CDH8: variants seen among roughly 807,000 people sequenced by gnomAD.
CDH8 encodes the protein cadherin-8.
A neutral mutation model predicts 68.1 loss-of-function variants in CDH8; 17 were observed. That is an observed-to-expected ratio of 0.25 (90% CI 0.17 to 0.37). The LOEUF (loss-of-function observed/expected upper bound fraction) is 0.37, where lower values mean the gene tolerates loss of function less well. CDH8 is among the 10% of genes least tolerant of loss of function. The probability of loss-of-function intolerance (pLI) is 1.00; values close to 1 mark genes in which losing one functional copy is unlikely to be tolerated. For missense variants in CDH8, 763 were observed against 999.3 expected (o/e 0.76, Z 3.19); for synonymous variants, 372 against 365.1 (o/e 1.02, Z -0.21).
chr16:61,916,737 A>T (rs1171906304), intron 2 of CDH8, among the ~76,000 whole-genome samples: 1 of 152,164 alleles, frequency 6.6e-6, no homozygotes, highest in Non-Finnish European at 1.5e-5. Flanking sequence ...TCACCTGGGC[A>T]GGAGTTAGGG....
rs73568784 is a variant in CDH8 at position 62,027,867 on chromosome 16, T to A, written c.-199-6265A>T. ...ACCAGATTCCCTTGGCAGAAACATA[T>A]TCTGAAATTGTTTATGTAAACACAC... On this transcript the variant is annotated intron_variant, in intron 1 of 11. Transcript: ENST00000577390. Among the ~76,000 whole-genome samples, 1,328 of 152,170 alleles carry A rather than the reference T, an allele frequency of 8.7e-3. 18 individuals are homozygous for A. The highest frequency in any genetic ancestry group is 0.03 in the African/African-American group (1,234 of 41,514).
intron 3 of CDH8, among the ~76,000 whole-genome samples, chr16:61,892,507 A>G (rs1418466151): frequency 6.6e-6 from 1 of 152,202 alleles, no homozygotes; most frequent in Non-Finnish European, 1.5e-5. Flanking sequence ...TTTGGTGTTT[A>G]TCAAATACAT....
At chr16:61,694,778 T>C (rs1225055424) in intron 10 of CDH8, among the ~76,000 whole-genome samples, 1 of 151,700 alleles carries the variant, frequency 6.6e-6, no homozygotes, top group Non-Finnish European at 1.5e-5. Context: ...TTGGTGGTGG[T>C]GGTGGTGGTG....
intron 9 of CDH8, among the ~76,000 whole-genome samples, chr16:61,723,810 A>G (rs1025822923): frequency 1.3e-5 from 2 of 150,568 alleles, no homozygotes; most frequent in African/African-American, 4.8e-5. Context: ...CATGGACGTT[A>G]GAGAGGAGTA....
chr16:61,925,663 C>T (rs1964445632), intron 2 of CDH8, among the ~76,000 whole-genome samples: 1 of 152,120 alleles, frequency 6.6e-6, no homozygotes, highest in Non-Finnish European at 1.5e-5. Flanking sequence ...CATCAAGCAA[C>T]ATGAATTTCA....
At chr16:61,817,379 T>C (rs1962100440) in intron 7 of CDH8, 100 bp downstream of exon 7, 3 of 1,148,282 alleles carry the variant, frequency 2.6e-6, no homozygotes, top group East Asian at 4.9e-5. Context: ...CATGTGAGCA[T>C]AGTCCCAAGG....
intron 2 of CDH8, among the ~76,000 whole-genome samples, chr16:61,960,716 C>T (rs1156728496): frequency 6.6e-6 from 1 of 152,070 alleles, no homozygotes; most frequent in African/African-American, 2.4e-5. Flanking sequence ...CCCTCTCGCC[C>T]TTTCTTTCTT....
rs118122763 is a variant in CDH8, at chr16:61,883,405, T to C, written c.547+17774A>G. On this transcript the variant is annotated intron_variant, in intron 3 of 11. Coordinates refer to ENST00000577390, the MANE Select transcript of CDH8 (RefSeq NM_001796.5). ...TTTCTGATACATGCTAATACCCCTT[T>C]ATATAGCAAACAACAAGCAGGCTTG... Among the ~76,000 whole-genome samples the C allele has an allele frequency of 5.1e-3, 783 of 152,090 alleles. 2 individuals carry two copies. The highest frequency in any genetic ancestry group is 7.6e-3 in the Non-Finnish European group (515 of 67,988).
chr16:61,911,707 G>A (rs1477125638), intron 2 of CDH8, among the ~76,000 whole-genome samples: 10 of 150,994 alleles, frequency 6.6e-5, no homozygotes, highest in African/African-American at 1.7e-4. Flanking sequence ...TATGGATACC[G>A]ATATCCATCC....
At chr16:61,954,518 G>A (rs754378046) in intron 2 of CDH8, among the ~76,000 whole-genome samples, 13 of 151,702 alleles carry the variant, frequency 8.6e-5, no homozygotes, top group Non-Finnish European at 1.6e-4. Context: ...TTACTAACAC[G>A]GTGAAACCCT....
At chr16:61,831,935 A>G (rs1403503512) in intron 4 of CDH8, among the ~76,000 whole-genome samples, 2 of 151,782 alleles carry the variant, frequency 1.3e-5, no homozygotes, top group African/African-American at 2.4e-5. Flanking sequence ...TACAATTATC[A>G]TTTTATTATC....
At chr16:61,669,152 A>G (rs944315266) in intron 10 of CDH8, among the ~76,000 whole-genome samples, 19 of 152,062 alleles carry the variant, frequency 1.2e-4, no homozygotes, top group Non-Finnish European at 1.0e-4. Context: ...TTGCATTCAC[A>G]CATATGAAAA....
intron 7 of CDH8, among the ~76,000 whole-genome samples, chr16:61,806,764 A>T (rs1961792874): frequency 2.6e-5 from 1 of 38,844 alleles, no homozygotes; most frequent in Admixed American, 3.5e-4. Context: ...AATCAAAACC[A>T]CAATGAGATA....
At chr16:61,914,859 G>T (rs1480395795) in intron 2 of CDH8, among the ~76,000 whole-genome samples, 3 of 152,106 alleles carry the variant, frequency 2.0e-5, no homozygotes, top group Non-Finnish European at 4.4e-5. Context: ...ACGCAACCCA[G>T]TCAGACACTT....
At chr16:61,962,414 C>T (rs892409735) in intron 2 of CDH8, among the ~76,000 whole-genome samples, 1 of 152,086 alleles carries the variant, frequency 6.6e-6, no homozygotes, top group African/African-American at 2.4e-5. Context: ...CTTTGTATTA[C>T]CGGAGTATAT....
chr16:61,959,982 G>GTA lies in CDH8; in HGVS notation c.253-58510_253-58509insTA, dbSNP rs1434686241. On this transcript the variant is annotated intron_variant, in intron 2 of 11. Transcript: ENST00000577390. Reference sequence around the variant, plus strand: ...CTGTATGTGGTGTATGTGTGTGTGTGTGTATATATATATATATATATATAT... The same window carrying GTA: ...CTGTATGTGGTGTATGTGTGTGTGTGTATGTATATATATATATATATATATAT... Among the ~76,000 whole-genome samples, 23 of 31,058 alleles carry GTA rather than the reference G, an allele frequency of 7.4e-4. 4 individuals carry two copies. The highest frequency in any genetic ancestry group is 1.9e-3 in the African/African-American group (20 of 10,312). The allele number at this position is 31,058 out of a possible 152,430, so 20.4% of individuals were successfully genotyped here.
intron 4 of CDH8, among the ~76,000 whole-genome samples, chr16:61,840,014 T>A (rs1334655292): frequency 1.3e-5 from 2 of 152,176 alleles, no homozygotes; most frequent in Non-Finnish European, 2.9e-5. Context: ...GCCAAGACTT[T>A]CAGCACCCTC....
At chr16:61,989,797 A>G (rs1965686370) in intron 2 of CDH8, among the ~76,000 whole-genome samples, 1 of 150,986 alleles carries the variant, frequency 6.6e-6, no homozygotes. Flanking sequence ...ATACTTTCCC[A>G]TAATTCATTG....
rs1403356979 is a variant in CDH8, at chr16:61,651,109, A to G, written c.*2499T>C. The G allele has an allele frequency of 1.3e-5, 2 of 152,160 alleles. No homozygotes were observed. Among genetic ancestry groups the G allele is most frequent in the African/African-American group, 2.4e-5 (1 of 41,450 alleles). 9.4% of individuals were successfully genotyped at this position (152,160 alleles called of 1,614,324 possible). ...TTCTGTTAGACATATTTGTGTGTCTATAATCTTTGGGCACTTCAAAGTACA... is the reference window on the plus strand; with the variant it reads ...TTCTGTTAGACATATTTGTGTGTCTGTAATCTTTGGGCACTTCAAAGTACA... On this transcript the variant is annotated 3_prime_UTR_variant, in exon 12 of 12. Transcript: ENST00000577390.
Sources: gnomAD v4.1 joint callset for allele counts (sites outside exome capture counted in the v4.1 genomes callset) on GRCh38, gnomAD v4.1.1 for gene constraint, MANE v1.5 for transcripts, NCBI Gene and HGNC (gene_info 2026-07-23, HGNC 2026-07-21) for gene names.